PRKN: variants seen among roughly 807,000 people sequenced by gnomAD.
PRKN encodes E3 ubiquitin-protein ligase parkin.
PRKN carries 56 observed loss-of-function variants against 59.5 expected under a neutral mutation model. That is an observed-to-expected ratio of 0.94 (90% CI 0.76 to 1.18). The LOEUF is 1.18. PRKN is among the 50% of genes most tolerant of loss of function. PRKN has a pLI of 0.00. For synonymous variants in PRKN, 250 were observed against 222.1 expected, an observed-to-expected ratio of 1.13 and a Z score of -1.12; for missense variants, 657 against 596.4, an observed-to-expected ratio of 1.10 and a Z score of -1.06.
At chr6:161,608,258 T>C (rs773850750) in intron 7 of PRKN, among the ~76,000 whole-genome samples, 6 of 152,114 alleles carry the variant, frequency 3.9e-5, no homozygotes, top group Non-Finnish European at 7.3e-5. Flanking sequence ...GCTGAATTAA[T>C]GACGACTTTA....
intron 1 of PRKN, among the ~76,000 whole-genome samples, chr6:162,593,646 GA>G (rs1781389489): frequency 6.6e-6 from 1 of 152,138 alleles, no homozygotes; most frequent in African/African-American, 2.4e-5. Flanking sequence ...ATGAGGCTAT[GA>G]AAGGGTGTGT....
At chr6:162,701,933 G>A (rs892597901) in intron 1 of PRKN, among the ~76,000 whole-genome samples, 1 of 151,032 alleles carries the variant, frequency 6.6e-6, no homozygotes, top group Non-Finnish European at 1.5e-5. Flanking sequence ...AGCATATAGG[G>A]AATAGTTTCA....
chr6:161,756,088 G>T (rs887113653), intron 7 of PRKN, among the ~76,000 whole-genome samples: 1 of 152,126 alleles, frequency 6.6e-6, no homozygotes, highest in Non-Finnish European at 1.5e-5. Context: ...AAAAAAGCTA[G>T]TAGCTTCTAC....
At chr6:162,375,829 C>T (rs945079392) in intron 2 of PRKN, among the ~76,000 whole-genome samples, 1 of 151,788 alleles carries the variant, frequency 6.6e-6, no homozygotes, top group African/African-American at 2.4e-5. Context: ...ACATATAACA[C>T]ATATACACAA....
At chr6:162,676,759 T>C (rs1426309896) in intron 1 of PRKN, among the ~76,000 whole-genome samples, 2 of 152,018 alleles carry the variant, frequency 1.3e-5, no homozygotes, top group Admixed American at 6.6e-5. Context: ...AGTACACATA[T>C]TGTAAAAGAT....
intron 6 of PRKN, among the ~76,000 whole-genome samples, chr6:161,814,877 G>A (rs1036611716): frequency 1.3e-5 from 2 of 152,088 alleles, no homozygotes; most frequent in African/African-American, 2.4e-5. Flanking sequence ...GGAAAGACCC[G>A]CCCCCATGAT....
In PRKN at chr6:162,469,503, T is replaced by TGTGTGC. The variant is rs1583626094; in HGVS notation, c.8-26031_8-26030insGCACAC. ...CAAGAAACTGTGGTATGTGTGTGTG[T>TGTGTGC]GTGTATACACACACACACACACACA... On this transcript the variant is annotated intron_variant, in intron 1 of 11. Transcript: ENST00000366898. 9.0e-5 allele frequency among the ~76,000 whole-genome samples: 13 copies of TGTGTGC among 145,102 alleles called. No individual in the cohort carries two copies. The East Asian group carries it at 2.6e-3, about 29-fold the overall frequency.
intron 6 of PRKN, among the ~76,000 whole-genome samples, chr6:161,807,669 C>T (rs1160036359): frequency 6.6e-6 from 1 of 152,162 alleles, no homozygotes; most frequent in Non-Finnish European, 1.5e-5. Context: ...TGCCTCTGTC[C>T]CCCAGGGGCA....
chr6:161,465,326 T>C (rs2115176377), intron 9 of PRKN, among the ~76,000 whole-genome samples: 1 of 152,340 alleles, frequency 6.6e-6, no homozygotes, highest in East Asian at 1.9e-4. Context: ...TTATACGTTC[T>C]GATGTTCCTC....
In PRKN at chr6:161,462,788, A is replaced by C. The variant is rs939069695; in HGVS notation, c.1084-75911T>G. ...GTAGCAATAAAAACACACAGAATAC[A>C]CTTTCATCCCAAAATTGGCATACTT... is the stretch of plus-strand genomic sequence containing the variant. On this transcript the variant is annotated intron_variant, in intron 9 of 11. Coordinates refer to ENST00000366898, the MANE Select transcript of PRKN (RefSeq NM_004562.3). This position sits in a 1 kb window ranked among gnomAD's most constrained non-coding sequence, Gnocchi z 4.5. Among the ~76,000 whole-genome samples, 4 of 152,158 alleles carry C rather than the reference A, an allele frequency of 2.6e-5. No homozygotes were observed. Among genetic ancestry groups the C allele is most frequent in the Non-Finnish European group, 5.9e-5 (4 of 68,030 alleles).
chr6:162,036,863 C>T (rs934088001), intron 5 of PRKN, among the ~76,000 whole-genome samples: 8 of 151,782 alleles, frequency 5.3e-5, no homozygotes, highest in African/African-American at 1.9e-4. Context: ...CTATACCGTG[C>T]AATTATAATA....
chr6:161,536,637 G>A (rs187659124), intron 9 of PRKN, among the ~76,000 whole-genome samples: 2 of 152,180 alleles, frequency 1.3e-5, no homozygotes, highest in Admixed American at 6.5e-5. Context: ...ATAGCCTATA[G>A]AGTCGGTTTC....
intron 3 of PRKN, among the ~76,000 whole-genome samples, chr6:162,260,235 G>T (rs1779830499): frequency 6.6e-6 from 1 of 152,102 alleles, no homozygotes; most frequent in Non-Finnish European, 1.5e-5. Context: ...ACAAGACAGA[G>T]GGGTAAATGA....
At position 162,489,463 on chromosome 6, in the gene PRKN, A is replaced by G. The variant is rs1792705801; in HGVS notation, c.8-45990T>C. The stretch of plus-strand genomic sequence containing the variant: ...TGAGGAAAGATAGAAAATCTATCCC[A>G]CAAAAAAGTATGAGTTTGGACCAGT... On this transcript the variant is annotated intron_variant, in intron 1 of 11. Coordinates refer to ENST00000366898, the MANE Select transcript of PRKN (RefSeq NM_004562.3). Among the ~76,000 whole-genome samples, 4 of 152,314 alleles carry G rather than the reference A, an allele frequency of 2.6e-5. No individual in the cohort carries two copies. The South Asian group carries it at 8.3e-4, about 32-fold the overall frequency.
intron 8 of PRKN, among the ~76,000 whole-genome samples, chr6:161,565,487 C>A (rs1458526593): frequency 6.6e-6 from 1 of 152,042 alleles, no homozygotes. Flanking sequence ...GGGATGATTC[C>A]CCCCATGGTG....
rs115202701 is a variant in PRKN, at chr6:162,233,940, A to G, written c.412+28585T>C. Among the ~76,000 whole-genome samples the G allele has an allele frequency of 8.6e-3, 1,307 of 152,336 alleles. 18 individuals carry two copies. Among genetic ancestry groups the G allele is most frequent in the African/African-American group, 0.029 (1,198 of 41,564 alleles). On this transcript the variant is annotated intron_variant, in intron 3 of 11. Transcript: ENST00000366898. The stretch of plus-strand genomic sequence containing the variant: ...TCCAGCTTCTAGAAGCATGAGCCCA[A>G]TAAACTTATTTTATTAACAGATTAT...
chr6:162,686,778 G>A lies in PRKN; in HGVS notation c.7+40884C>T, dbSNP rs576948417. 1.2e-3 allele frequency among the ~76,000 whole-genome samples: 181 copies of A among 152,196 alleles called. 1 individual carries two copies. Among genetic ancestry groups the A allele is most frequent in the South Asian group, 4.6e-3 (22 of 4,826 alleles). On this transcript the variant is annotated intron_variant, in intron 1 of 11. Transcript: ENST00000366898. Reference sequence around the variant, plus strand: ...TACTCCTGAGAACATCTCAGAATACGCAGAGCATGTTTTTGTTAACTTTTT... The same window carrying A: ...TACTCCTGAGAACATCTCAGAATACACAGAGCATGTTTTTGTTAACTTTTT...
chr6:162,489,023 G>A (rs897901226), intron 1 of PRKN, among the ~76,000 whole-genome samples: 3 of 152,168 alleles, frequency 2.0e-5, no homozygotes, highest in Non-Finnish European at 2.9e-5. Context: ...ATGAGTAGGA[G>A]TTAACAATTT....
chr6:161,857,354 C>T (rs1025118870), intron 6 of PRKN, among the ~76,000 whole-genome samples: 20 of 152,310 alleles, frequency 1.3e-4, no homozygotes, highest in Admixed American at 1.2e-3. Context: ...AGTAGGGTTG[C>T]ATTTCAATAC....
Sources: gnomAD v4.1 joint callset for allele counts (sites outside exome capture counted in the v4.1 genomes callset) on GRCh38, gnomAD v4.1.1 for gene constraint, Gnocchi (gnomAD v3.1) non-coding constraint, MANE v1.5 for transcripts, NCBI Gene and HGNC (gene_info 2026-07-23, HGNC 2026-07-21) for gene names.